RGPD4: variants seen among roughly 807,000 people sequenced by gnomAD.
RGPD4 encodes the protein ranBP2-like and GRIP domain-containing protein 4.
A neutral mutation model predicts 141.1 loss-of-function variants in RGPD4; 84 were observed. That is an observed-to-expected ratio of 0.60 (90% CI 0.50 to 0.71). The LOEUF (loss-of-function observed/expected upper bound fraction) is 0.71. Among genes scored for constraint, RGPD4 ranks in the 30% least tolerant of loss-of-function variants. RGPD4 has a pLI of 0.00. For synonymous variants in RGPD4, 298 were observed against 566.8 expected, an observed-to-expected ratio of 0.53 and a Z score of 6.74; for missense variants, 918 against 1,622.4, an observed-to-expected ratio of 0.57 and a Z score of 7.46.
rs1178784410 is a variant in RGPD4, at chr2:107,881,042, A to G, written c.5064+935A>G. Among the ~76,000 whole-genome samples the G allele has an allele frequency of 2.0e-5, 3 of 151,504 alleles. No individual in the cohort carries two copies. In the East Asian group the frequency reaches 5.9e-4, roughly 30 times the overall value. On this transcript the variant is annotated intron_variant, in intron 21 of 22. Transcript: ENST00000408999. The stretch of plus-strand genomic sequence containing the variant: ...CTGGTAAATGGTGGAACAAAATTCA[A>G]ACTCATAGCTGTCTGAAAAGTACAT...
intron 8 of RGPD4, among the ~76,000 whole-genome samples, chr2:107,856,143 T>A (rs1682301502): frequency 8.5e-6 from 1 of 117,320 alleles, no homozygotes. Flanking sequence ...AAGCTCCGCC[T>A]CCCGGGTTCA....
In RGPD4 at chr2:107,862,830, A is replaced by G. The variant is rs200255783; in HGVS notation, c.2354A>G (p.Lys785Arg). The change falls in exon 16 of 23, where the codon AAA (lysine) becomes AGA (arginine). Residue 785 changes from lysine to arginine, a missense_variant. Coordinates refer to ENST00000408999, the MANE Select transcript of RGPD4 (RefSeq NM_182588.3). ...EIKHSTPSPT[K>R]YSLSPSKSYK... ...AAACATTCTACACCATCTCCTACCA[A>G]ATATTCACTATCACCAAGTAAAAGT... 1.6e-3 allele frequency: 2,529 copies of G among 1,535,812 alleles called. 24 individuals carry two copies. The East Asian group carries it at 0.02, about 12-fold the overall frequency.
At chr2:107,874,332 A>G (rs1243285725) in intron 20 of RGPD4, among the ~76,000 whole-genome samples, 1 of 149,980 alleles carries the variant, frequency 6.7e-6, no homozygotes, top group Non-Finnish European at 1.5e-5. Context: ...TGCATATTAT[A>G]TATGTTGCAC....
chr2:107,854,796 T>C (rs1220146616), intron 8 of RGPD4, among the ~76,000 whole-genome samples, 153 bp downstream of exon 8: 1 of 152,062 alleles, frequency 6.6e-6, no homozygotes, highest in African/African-American at 2.4e-5. Context: ...ATGGAAGAGA[T>C]GCGAAGAAAT....
At position 107,871,755 on chromosome 2, in the gene RGPD4, A is replaced by G; in HGVS notation, c.3751A>G (p.Asn1251Asp). ...CACTGGGCCCACATTAGAATGGGATAACTGTGATTTAAGGGAAGATGCTTT... is the reference window on the plus strand; with the variant it reads ...CACTGGGCCCACATTAGAATGGGATGACTGTGATTTAAGGGAAGATGCTTT... The part of the protein sequence containing the change: ...ENTGPTLEWD[N>D]CDLREDALDD... Residue 1251 changes from asparagine (N) to aspartate (D), a missense_variant, in exon 20 of 23, where the codon AAC becomes GAC. Coordinates refer to ENST00000408999, the MANE Select transcript of RGPD4 (RefSeq NM_182588.3). 1 of 1,611,372 alleles carries G rather than the reference A, an allele frequency of 6.2e-7. No individual in the cohort carries two copies. The highest frequency in any genetic ancestry group is 1.1e-5 in the South Asian group (1 of 90,980).
At chr2:107,853,950 G>T (rs982561101) in intron 7 of RGPD4, among the ~76,000 whole-genome samples, 5 of 134,840 alleles carry the variant, frequency 3.7e-5, no homozygotes, top group Non-Finnish European at 6.2e-5. Flanking sequence ...GGGTCTCACC[G>T]TGTTGTTCAG....
At chr2:107,888,491 G>A (rs1351884861) in intron 22 of RGPD4, among the ~76,000 whole-genome samples, 36 of 150,768 alleles carry the variant, frequency 2.4e-4, no homozygotes, top group East Asian at 5.8e-4. Flanking sequence ...AAGCAATATC[G>A]CTTCCTTCTA....
rs1573522741 is a variant in RGPD4, at chr2:107,872,729, T to C, written c.4725T>C (p.Asn1575=). The part of the protein sequence containing the change: ...ATGSLFGFSF[N]ASLKSNNSET... Reference sequence around the variant, plus strand: ...GGTCTTTGTTTGGATTTAGTTTTAATGCATCTTTGAAAAGTAACAACAGTG... The same window carrying C: ...GGTCTTTGTTTGGATTTAGTTTTAACGCATCTTTGAAAAGTAACAACAGTG... Residue 1575 remains asparagine (N), a synonymous_variant, in exon 20 of 23, where the codon AAT becomes AAC. Transcript: ENST00000408999. 3.1e-6 allele frequency: 5 copies of C among 1,611,656 alleles called. No individual in the cohort carries two copies. The highest frequency in any genetic ancestry group is 1.3e-5 in the African/African-American group (1 of 74,626).
At chr2:107,880,760 T>C (rs1191946347) in intron 21 of RGPD4, among the ~76,000 whole-genome samples, 6 of 148,200 alleles carry the variant, frequency 4.0e-5, no homozygotes, top group Non-Finnish European at 3.0e-5. Context: ...TTTATAGTAC[T>C]GAACTACTAA....
chr2:107,827,037 G>A lies in RGPD4; in HGVS notation c.24G>A (p.Gly8=), dbSNP rs763163585. ...CGATGAGTTGCAGCAAGGCCTACGG[G>A]GAGCGGTACGTCGCCTCCGTGCAGG... MSCSKAY[G]ERYVASVQGS... The change falls in exon 1 of 23, where the codon GGG becomes GGA. Residue 8 remains glycine, a synonymous_variant. Transcript: ENST00000408999. 6.3e-7 allele frequency: 1 copy of A among 1,599,836 alleles called. No homozygotes were observed.
intron 22 of RGPD4, among the ~76,000 whole-genome samples, chr2:107,885,435 G>A (rs1675483539): frequency 6.6e-6 from 1 of 152,170 alleles, no homozygotes; most frequent in Admixed American, 6.5e-5. Context: ...GTTTAATGTA[G>A]ATGTTGCTAA....
In RGPD4 at chr2:107,864,454, C is replaced by G. The variant is rs1180991461; in HGVS notation, c.2469+1422C>G. Among the ~76,000 whole-genome samples the G allele has an allele frequency of 3.1e-5, 2 of 64,494 alleles. 1 individual carries two copies. Among genetic ancestry groups the G allele is most frequent in the African/African-American group, 1.9e-4 (2 of 10,526 alleles). 42.3% of individuals were successfully genotyped at this position (64,494 alleles called of 152,430 possible). ...GTATAGTGGAGCACCGGTCCATGAG[C>G]TTGAAAAGCTTGGTACTAGTACTGA... On this transcript the variant is annotated intron_variant, in intron 17 of 22. Transcript: ENST00000408999.
At chr2:107,828,331 C>G (rs1418026422) in intron 1 of RGPD4, among the ~76,000 whole-genome samples, 7 of 16,850 alleles carry the variant, frequency 4.2e-4, no homozygotes, top group East Asian at 2.1e-3. Context: ...CGACCCGGCC[C>G]GGCGGCGGCC....
chr2:107,873,565 C>T (rs1394089498), intron 20 of RGPD4, among the ~76,000 whole-genome samples: 1 of 116,384 alleles, frequency 8.6e-6, no homozygotes, highest in Non-Finnish European at 1.6e-5. Flanking sequence ...GTGACTGAGA[C>T]TTTGTCTCCA....
At chr2:107,857,630 T>C (rs1434500277) in intron 9 of RGPD4, among the ~76,000 whole-genome samples, 2 of 151,744 alleles carry the variant, frequency 1.3e-5, no homozygotes, top group Non-Finnish European at 2.9e-5. Flanking sequence ...AGACAGGGTC[T>C]CCCTTTGTTG....
chr2:107,880,259 C>A (rs879049971), intron 21 of RGPD4, among the ~76,000 whole-genome samples, 152 bp downstream of exon 21: 3 of 48,184 alleles, frequency 6.2e-5, no homozygotes, highest in East Asian at 9.3e-4. Flanking sequence ...GAAATATTGC[C>A]TTTTTTTTTT....
intron 1 of RGPD4, among the ~76,000 whole-genome samples, chr2:107,833,252 G>A (rs1046327084): frequency 2.5e-4 from 38 of 152,146 alleles, no homozygotes; most frequent in Admixed American, 7.9e-4. Flanking sequence ...AAAAAAGAGA[G>A]AAATTTAGAA....
At chr2:107,874,381 G>A (rs1291663928) in intron 20 of RGPD4, among the ~76,000 whole-genome samples, 1 of 148,948 alleles carries the variant, frequency 6.7e-6, no homozygotes, top group Non-Finnish European at 1.5e-5. Context: ...AGTGGAACAA[G>A]AAGTGGGATC....
In RGPD4 at chr2:107,871,812, G is replaced by A. The variant is rs1168213755; in HGVS notation, c.3808G>A (p.Ala1270Thr). ...DDSVSSSSVHASPLASSPVRK... is the reference protein window; with the variant it reads ...DDSVSSSSVHTSPLASSPVRK... ...TAGTGTCAGTAGTAGCTCAGTACAT[G>A]CTTCTCCATTGGCAAGTAGCCCTGT... Residue 1270 changes from alanine (A) to threonine (T), a missense_variant, in exon 20 of 23, where the codon GCT becomes ACT. By Grantham distance (58) the Ala-to-Thr change is moderately conservative. Transcript: ENST00000408999. 2.5e-6 allele frequency: 4 copies of A among 1,611,442 alleles called. No homozygotes were observed. Among genetic ancestry groups the A allele is most frequent in the Non-Finnish European group, 3.4e-6 (4 of 1,179,844 alleles).
Sources: gnomAD v4.1 joint callset for allele counts (sites outside exome capture counted in the v4.1 genomes callset) on GRCh38, gnomAD v4.1.1 for gene constraint, MANE v1.5 for transcripts, NCBI Gene and HGNC (gene_info 2026-07-23, HGNC 2026-07-21) for gene names.